Variants in EXO1 observed in about 807,000 individuals in gnomAD.
The protein encoded by EXO1 is exonuclease 1.
EXO1 carries 69 observed loss-of-function variants against 84.5 expected under a neutral mutation model. The observed-to-expected ratio is 0.82, with a 90% CI of 0.67 to 1.00. The LOEUF (loss-of-function observed/expected upper bound fraction) is 1.00, where lower values mean the gene tolerates loss of function less well. EXO1 is among the 50% of genes least tolerant of loss of function. EXO1 has a pLI of 0.00. For synonymous variants in EXO1, 373 were observed against 366.1 expected, an observed-to-expected ratio of 1.02 and a Z score of -0.21; for missense variants, 1,045 against 1,000.7, an observed-to-expected ratio of 1.04 and a Z score of -0.60.
At chr1:241,857,281 A>C in intron 6 of EXO1, 64 bp from the exon 7 acceptor site, 1 of 1,553,272 alleles carries the variant, frequency 6.4e-7, no homozygotes, top group Non-Finnish European at 8.9e-7. Flanking sequence ...TGGGTTTGAA[A>C]CAGGAAGTTG....
chr1:241,870,560 C>T (rs1288137939), intron 11 of EXO1, among the ~76,000 whole-genome samples: 1 of 152,194 alleles, frequency 6.6e-6, no homozygotes, highest in Non-Finnish European at 1.5e-5. Context: ...ACTAAGATTG[C>T]ATTCACATTC....
intron 12 of EXO1, among the ~76,000 whole-genome samples, chr1:241,876,522 CAG>C (rs747579553): frequency 6.6e-6 from 1 of 151,892 alleles, no homozygotes; most frequent in Non-Finnish European, 1.5e-5. Flanking sequence ...GAGGAGGTTG[CAG>C]AGAGTTGAGA....
intron 4 of EXO1, among the ~76,000 whole-genome samples, chr1:241,851,971 T>C (rs1056561381): frequency 5.3e-5 from 8 of 152,114 alleles, no homozygotes; most frequent in Admixed American, 3.9e-4. Flanking sequence ...TTTTTTAACA[T>C]AAAATGGGGG....
At position 241,889,909 on chromosome 1, in the gene EXO1, A is replaced by G. The variant is rs1006867947; in HGVS notation, c.*309A>G. ...TCTAAATATTTCTGTAATGTTGTCAAGTAGAAAGATAGTAAATGGAGAAAC... is the reference window on the plus strand; with the variant it reads ...TCTAAATATTTCTGTAATGTTGTCAGGTAGAAAGATAGTAAATGGAGAAAC... On this transcript the variant is annotated 3_prime_UTR_variant, in exon 16 of 16. Coordinates refer to ENST00000366548, the MANE Select transcript of EXO1 (RefSeq NM_130398.4). The G allele has an allele frequency of 1.7e-5, 6 of 343,132 alleles. No homozygotes were observed. Among genetic ancestry groups the G allele is most frequent in the East Asian group, 7.1e-5 (1 of 14,070 alleles). 21.3% of individuals were successfully genotyped at this position (343,132 alleles called of 1,614,324 possible). A position where few individuals can be genotyped will look rare whatever the true frequency, so the allele number is the denominator to read the frequency against.
chr1:241,865,332 C>T (rs1322856344), intron 10 of EXO1, among the ~76,000 whole-genome samples: 1 of 151,684 alleles, frequency 6.6e-6, no homozygotes, highest in Non-Finnish European at 1.5e-5. Context: ...CTGCCTCAGG[C>T]TCCCAACTAG....
In EXO1 at chr1:241,856,177, G is replaced by GA. The variant is rs948421954; in HGVS notation, c.406-1160dup. Reference sequence around the variant, plus strand: ...TAGGACTATTGCTGGACCAAAAAAGGAAAAAAAATGAGAAAAATAGCAAAT... The same window carrying GA: ...TAGGACTATTGCTGGACCAAAAAAGGAAAAAAAAATGAGAAAAATAGCAAAT... On this transcript the variant is annotated intron_variant, in intron 6 of 15. Transcript: ENST00000366548. Among the ~76,000 whole-genome samples, 44 of 151,572 alleles carry GA rather than the reference G, an allele frequency of 2.9e-4. 1 individual carries two copies. The highest frequency in any genetic ancestry group is 1.0e-3 in the South Asian group (5 of 4,802).
chr1:241,880,440 A>C (rs1162940883), intron 13 of EXO1, among the ~76,000 whole-genome samples: 1 of 152,212 alleles, frequency 6.6e-6, no homozygotes, highest in African/African-American at 2.4e-5. Flanking sequence ...GAGAAGCCTT[A>C]TCAGTTCACA....
Position 241,872,083 on chromosome 1 carries a change from A to G in EXO1, c.1319A>G (p.Lys440Arg). 1 of 1,613,608 alleles carries G rather than the reference A, an allele frequency of 6.2e-7. No homozygotes were observed. Among genetic ancestry groups the G allele is most frequent in the Non-Finnish European group, 8.5e-7 (1 of 1,179,578 alleles). ...LLSQYSLSFT[K>R]KTKKNSSEGN... The stretch of plus-strand genomic sequence containing the variant: ...AGTCAGTATTCTCTTTCATTTACGA[A>G]GAAGACCAAGAAAAATAGCTCTGAA... The change falls in exon 12 of 16, where the codon AAG becomes AGG. Residue 440 changes from lysine to arginine, a missense_variant. Transcript: ENST00000366548.
At position 241,859,307 on chromosome 1, in the gene EXO1, T is replaced by C. The variant is rs538657929; in HGVS notation, c.756+589T>C. ...TGCAAATCTCTTTAATGTGGCCTAA[T>C]AGAAGACAGCTGTGTTCGTATACAA... On this transcript the variant is annotated intron_variant, in intron 8 of 15. Coordinates refer to ENST00000366548, the MANE Select transcript of EXO1 (RefSeq NM_130398.4). Among the ~76,000 whole-genome samples, 31 of 152,314 alleles carry C rather than the reference T, an allele frequency of 2.0e-4. No individual in the cohort carries two copies. The South Asian group carries it at 5.4e-3, about 26-fold the overall frequency.
chr1:241,884,674 T>TGCACGTGCAC (rs1553275071), intron 14 of EXO1, among the ~76,000 whole-genome samples: 3 of 149,582 alleles, frequency 2.0e-5, no homozygotes, highest in Non-Finnish European at 3.0e-5. Context: ...TGTGTGTGTG[T>TGCACGTGCAC]GTGCACGTGC....
At chr1:241,885,872 T>TGA (rs1663043613) in intron 15 of EXO1, among the ~76,000 whole-genome samples, 3 of 132,838 alleles carry the variant, frequency 2.3e-5, no homozygotes, top group South Asian at 2.5e-4. Context: ...TTTGTTTTTT[T>TGA]GAGAGAGTTT....
chr1:241,863,325 C>T (rs983963171), intron 10 of EXO1, among the ~76,000 whole-genome samples: 1 of 151,256 alleles, frequency 6.6e-6, no homozygotes, highest in Non-Finnish European at 1.5e-5. Context: ...GCCAAGTTCT[C>T]TACTGTCTGC....
At chr1:241,861,368 G>A (rs969437225) in intron 9 of EXO1, 38 bp from the exon 10 acceptor site, 9 of 1,017,482 alleles carry the variant, frequency 8.8e-6, no homozygotes, top group African/African-American at 1.6e-5. Context: ...TTGGTTGGTT[G>A]TTAATAAATA....
Position 241,861,288 on chromosome 1 carries a change from C to T in EXO1, c.945-118C>T, listed in dbSNP as rs1162060645. On this transcript the variant is annotated intron_variant, in intron 9 of 15. Coordinates refer to ENST00000366548, the MANE Select transcript of EXO1 (RefSeq NM_130398.4). ...TGCTGATGTATAAAGTAAGGAGACT[C>T]CATTTAAGTCATAAACCTATGGATT... 4.3e-6 allele frequency: 3 copies of T among 691,446 alleles called. No homozygotes were observed. The African/African-American group carries it at 5.3e-5, about 12-fold the overall frequency. The allele number at this position is 691,446 out of a possible 1,614,324, so 42.8% of individuals were successfully genotyped here.
At chr1:241,849,684 C>G (rs545710482) in intron 3 of EXO1, among the ~76,000 whole-genome samples, 1 of 152,258 alleles carries the variant, frequency 6.6e-6, no homozygotes, top group South Asian at 2.1e-4. Context: ...AAATACTTAC[C>G]TTCCTACAAA....
At chr1:241,867,111 C>A (rs1661791392) in intron 11 of EXO1, 56 bp downstream of exon 11, 2 of 1,285,838 alleles carry the variant, frequency 1.6e-6, no homozygotes, top group Admixed American at 3.5e-5. Flanking sequence ...TTAAAGAAAT[C>A]ATTGCCCAAC....
rs1662593018 is a variant in EXO1 at position 241,879,175 on chromosome 1, T to C, written c.1941T>C (p.Asn647=). The C allele has an allele frequency of 6.2e-7, 1 of 1,607,312 alleles. No individual in the cohort carries two copies. The change falls in exon 13 of 16, where the codon AAT becomes AAC. Residue 647 remains asparagine, a synonymous_variant. Transcript: ENST00000366548. Reference sequence around the variant, plus strand: ...CCCCCACCTCTTTGCCTGAGAATAATATGTCTGATGTGTCGCAGTTAAAGA... The same window carrying C: ...CCCCCACCTCTTTGCCTGAGAATAACATGTCTGATGTGTCGCAGTTAAAGA... ...SDSPTSLPEN[N]MSDVSQLKSE... is the part of the protein sequence containing the mutation.
intron 4 of EXO1, among the ~76,000 whole-genome samples, chr1:241,850,995 C>A (rs777126564): frequency 6.6e-6 from 1 of 151,878 alleles, no homozygotes; most frequent in African/African-American, 2.4e-5. Context: ...CCACCATACC[C>A]GGCTAATTTT....
intron 11 of EXO1, among the ~76,000 whole-genome samples, chr1:241,869,887 C>G (rs1661991073): frequency 6.6e-6 from 1 of 151,614 alleles, no homozygotes; most frequent in African/African-American, 2.4e-5. Flanking sequence ...GTTCTTGGCT[C>G]ACTGCAGCCT....
Sources: gnomAD v4.1 joint callset for allele counts (sites outside exome capture counted in the v4.1 genomes callset) on GRCh38, gnomAD v4.1.1 for gene constraint, MANE v1.5 for transcripts, NCBI Gene and HGNC (gene_info 2026-07-23, HGNC 2026-07-21) for gene names.